KIF24: variants seen among roughly 807,000 people sequenced by gnomAD.
KIF24 encodes kinesin-like protein KIF24.
A neutral mutation model predicts 118.9 loss-of-function variants in KIF24; 81 were observed. That is an observed-to-expected ratio of 0.68 (90% CI 0.57 to 0.82). KIF24 has a LOEUF of 0.82. Among genes scored for constraint, KIF24 ranks in the 40% least tolerant of loss-of-function variants. The pLI is 0.00. For synonymous variants in KIF24, 599 were observed against 610.0 expected, an observed-to-expected ratio of 0.98 and a Z score of 0.27; for missense variants, 1,560 against 1,661.6, an observed-to-expected ratio of 0.94 and a Z score of 1.06.
At chr9:34,260,390 T>C (rs1393260721) in intron 9 of KIF24, among the ~76,000 whole-genome samples, 1 of 148,802 alleles carries the variant, frequency 6.7e-6, no homozygotes, top group Non-Finnish European at 1.5e-5. Flanking sequence ...AATAAAACCA[T>C]TAAAAATGAT....
Position 34,310,785 on chromosome 9 carries a change from T to C in KIF24, c.562A>G (p.Ile188Val). Residue 188 changes from isoleucine (I) to valine (V), a missense_variant, in exon 2 of 13, where the codon ATT becomes GTT. This residue lies in a region of KIF24 where 964 missense variants were observed against 988.0 expected (regional missense o/e 0.98). Coordinates refer to ENST00000402558, the MANE Select transcript of KIF24 (RefSeq NM_194313.4). Reference protein sequence around the residue: ...SAILGDCDIPIIQRISHVSGY... With the variant: ...SAILGDCDIPVIQRISHVSGY... ...GAAACATGAGAGATTCTTTGAATAA[T>C]GGGAATATCACAATCCCCCAGTATT... The C allele has an allele frequency of 6.2e-7, 1 of 1,610,666 alleles. No homozygotes were observed. The highest frequency in any genetic ancestry group is 8.5e-7 in the Non-Finnish European group (1 of 1,177,044).
At chr9:34,328,394 T>A (rs938087210) in intron 1 of KIF24, among the ~76,000 whole-genome samples, 1 of 151,940 alleles carries the variant, frequency 6.6e-6, no homozygotes, top group Non-Finnish European at 1.5e-5. Context: ...CTAAAAGGAG[T>A]CTAATAAAAT....
At chr9:34,293,438 C>T (rs935487437) in intron 4 of KIF24, among the ~76,000 whole-genome samples, 1 of 146,900 alleles carries the variant, frequency 6.8e-6, no homozygotes, top group African/African-American at 2.5e-5. Context: ...TGAGATCGCA[C>T]CACTGCACTC....
intron 9 of KIF24, among the ~76,000 whole-genome samples, chr9:34,261,420 C>G (rs886947861): frequency 1.3e-5 from 2 of 152,192 alleles, no homozygotes; most frequent in Non-Finnish European, 2.9e-5. Flanking sequence ...TAAAGAGGCA[C>G]ACTTTCATGA....
At chr9:34,316,670 G>C (rs574795034) in intron 1 of KIF24, among the ~76,000 whole-genome samples, 4 of 152,332 alleles carry the variant, frequency 2.6e-5, no homozygotes, top group African/African-American at 9.6e-5. Flanking sequence ...ATTGAGTTCT[G>C]TTTTATGCCA....
intron 7 of KIF24, among the ~76,000 whole-genome samples, chr9:34,269,734 G>T (rs10972033): frequency 0.35 from 53,329 of 151,368 alleles, 10,801 homozygotes; most frequent in South Asian, 0.58. Context: ...CTTTATTTTT[G>T]TATCAGCCAG....
rs987397122 is a variant in KIF24, at chr9:34,327,376, T to C, written c.-26+1730A>G. Among the ~76,000 whole-genome samples the C allele has an allele frequency of 2.0e-5, 3 of 151,944 alleles. No homozygotes were observed. In the East Asian group the frequency reaches 5.8e-4, roughly 29 times the overall value. Reference sequence around the variant, plus strand: ...AGCAGCCCAGAGAAAGAAACTGTGGTTCTCCCTAAACTAAAAACTGAGAGG... The same window carrying C: ...AGCAGCCCAGAGAAAGAAACTGTGGCTCTCCCTAAACTAAAAACTGAGAGG... On this transcript the variant is annotated intron_variant, in intron 1 of 12. Transcript: ENST00000402558.
At chr9:34,285,603 T>C (rs1836012787) in intron 6 of KIF24, among the ~76,000 whole-genome samples, 1 of 151,368 alleles carries the variant, frequency 6.6e-6, no homozygotes, top group African/African-American at 2.4e-5. Context: ...TGAAACCCCG[T>C]TTCTACTAAA....
At position 34,319,115 on chromosome 9, in the gene KIF24, C is replaced by T. The variant is rs1254617388; in HGVS notation, c.-25-7744G>A. On this transcript the variant is annotated intron_variant, in intron 1 of 12. Transcript: ENST00000402558. ...CTATACCGTGGGTGTCATGGTGATGCACCAGACAGGCCTCTACAACTACTA... is the reference window on the plus strand; with the variant it reads ...CTATACCGTGGGTGTCATGGTGATGTACCAGACAGGCCTCTACAACTACTA... The T allele has an allele frequency of 6.3e-6, 9 of 1,428,672 alleles. No homozygotes were observed. The Admixed American group carries it at 1.2e-4, about 19-fold the overall frequency. 88.5% of individuals were successfully genotyped at this position (1,428,672 alleles called of 1,614,324 possible). A position where few individuals can be genotyped will look rare whatever the true frequency, so the allele number is the denominator to read the frequency against.
intron 3 of KIF24, among the ~76,000 whole-genome samples, chr9:34,300,972 G>C (rs1257690120): frequency 6.6e-6 from 1 of 151,922 alleles, no homozygotes; most frequent in Non-Finnish European, 1.5e-5. Context: ...AGTGCTCATG[G>C]ATAGCTTTAG....
At chr9:34,329,451 G>A (rs1490341609), upstream of KIF24, 3 of 152,328 alleles carry the variant, frequency 2.0e-5, no homozygotes, top group Admixed American at 1.3e-4. Flanking sequence ...ATCTCGCGAC[G>A]TTTCAGTGTG....
At chr9:34,271,761 C>T (rs1318077972) in intron 7 of KIF24, 48 bp downstream of exon 7, 9 of 1,601,934 alleles carry the variant, frequency 5.6e-6, no homozygotes, top group Non-Finnish European at 7.7e-6. Context: ...TTCAAAGTCA[C>T]ATTAAAGGAA....
intron 4 of KIF24, among the ~76,000 whole-genome samples, chr9:34,293,556 T>A (rs959530289): frequency 3.3e-5 from 5 of 150,174 alleles, no homozygotes; most frequent in African/African-American, 9.8e-5. Flanking sequence ...AGGTGAATCA[T>A]GAGGTCAGGA....
intron 1 of KIF24, among the ~76,000 whole-genome samples, chr9:34,321,583 T>C (rs1239843613): frequency 1.4e-5 from 2 of 138,794 alleles, no homozygotes; most frequent in African/African-American, 5.2e-5. Context: ...AAAAAAGCTA[T>C]ACATACATAC....
intron 6 of KIF24, among the ~76,000 whole-genome samples, chr9:34,276,826 A>G (rs1404179686): frequency 1.3e-5 from 2 of 152,260 alleles, no homozygotes; most frequent in Non-Finnish European, 2.9e-5. Flanking sequence ...TAATGAAATC[A>G]TAAGAGCTAC....
At chr9:34,311,768 A>ATATATATACACG (rs1554666576) in intron 1 of KIF24, among the ~76,000 whole-genome samples, 1 of 146,954 alleles carries the variant, frequency 6.8e-6, no homozygotes, top group Non-Finnish European at 1.5e-5. Flanking sequence ...GTATATATAC[A>ATATATATACACG]TATATATACA....
chr9:34,308,752 C>T (rs1324737707), intron 2 of KIF24, among the ~76,000 whole-genome samples: 1 of 152,042 alleles, frequency 6.6e-6, no homozygotes, highest in African/African-American at 2.4e-5. Context: ...GTTTCAAGTT[C>T]AAGGAGCAAA....
rs1048467006 is a variant in KIF24 at position 34,254,201 on chromosome 9, C to G, written c.*179G>C. The G allele has an allele frequency of 6.2e-5, 35 of 566,240 alleles. No homozygotes were observed. The highest frequency in any genetic ancestry group is 3.2e-5 in the East Asian group (1 of 31,566). The allele number at this position is 566,240 out of a possible 1,614,324, so 35.1% of individuals were successfully genotyped here. The stretch of plus-strand genomic sequence containing the variant: ...ATGGAACTGAGGGACAGGGGCCTGT[C>G]CCTGAGGGAGAAGCTGGGACCTATC... On this transcript the variant is annotated 3_prime_UTR_variant, in exon 13 of 13. Transcript: ENST00000402558.
In KIF24 at chr9:34,318,900, A is replaced by G; in HGVS notation, c.-25-7529T>C. The stretch of plus-strand genomic sequence containing the variant: ...CACTCCAAGATCAATTTCCATGACA[A>G]GCGCAGTGCGCTGCAGTCCATCCAC... On this transcript the variant is annotated intron_variant, in intron 1 of 12. Transcript: ENST00000402558. The surrounding 1 kb of genome is among the most constrained non-coding windows in gnomAD (Gnocchi z 4.9). The G allele has an allele frequency of 6.3e-7, 1 of 1,593,978 alleles. No homozygotes were observed. Among genetic ancestry groups the G allele is most frequent in the South Asian group, 1.1e-5 (1 of 90,770 alleles).
Sources: allele counts gnomAD v4.1 joint callset (sites outside exome capture counted in the v4.1 genomes callset), GRCh38; gene constraint gnomAD v4.1.1; regional missense constraint gnomAD v4.1.1; non-coding constraint Gnocchi (gnomAD v3.1); transcripts MANE v1.5; gene names NCBI Gene and HGNC (gene_info 2026-07-23, HGNC 2026-07-21).